The following LRP8 variants were observed in gnomAD, a reference collection of about 807,000 sequenced individuals.
The protein encoded by LRP8 is low-density lipoprotein receptor-related protein 8.
A neutral mutation model predicts 111.6 loss-of-function variants in LRP8; 46 were observed. The ratio of observed to expected loss-of-function variants is 0.41; its 90% CI spans 0.33 to 0.53. LRP8 has a LOEUF of 0.53. LRP8 is among the 20% of genes least tolerant of loss of function. The pLI, the probability that LRP8 is intolerant of heterozygous loss-of-function variation, is 0.20. For missense variants in LRP8, 959 were observed against 1,297.4 expected (o/e 0.74, Z 4.01); for synonymous variants, 464 against 511.2 (o/e 0.91, Z 1.24).
At chr1:53,295,357 G>C (rs977223616) in intron 2 of LRP8, among the ~76,000 whole-genome samples, 4 of 152,306 alleles carry the variant, frequency 2.6e-5, no homozygotes, top group Admixed American at 2.0e-4. Context: ...GGGACCTGGA[G>C]CTCCACCAGG....
At chr1:53,327,064 C>A in intron 1 of LRP8, 72 bp from the exon 2 acceptor site, 3 of 1,569,896 alleles carry the variant, frequency 1.9e-6, no homozygotes, top group Non-Finnish European at 2.6e-6. Context: ...TCCGGGCCAC[C>A]CGGAAGGACC....
chr1:53,256,200 C>G (rs1334005950), intron 15 of LRP8, among the ~76,000 whole-genome samples: 1 of 152,350 alleles, frequency 6.6e-6, no homozygotes, highest in South Asian at 2.1e-4. Flanking sequence ...ATGACTGTCC[C>G]GGCAATGGCC....
At chr1:53,325,769 A>T (rs746417540) in intron 2 of LRP8, among the ~76,000 whole-genome samples, 12 of 152,288 alleles carry the variant, frequency 7.9e-5, no homozygotes, top group Admixed American at 2.0e-4. Context: ...CTCCTCCCTC[A>T]GACCCCGTCA....
intron 2 of LRP8, among the ~76,000 whole-genome samples, chr1:53,313,553 CA>C (rs1366359429): frequency 6.6e-6 from 1 of 152,082 alleles, no homozygotes; most frequent in African/African-American, 2.4e-5. Flanking sequence ...TGAGAGAGCC[CA>C]GAGGAGACTC....
At chr1:53,302,212 G>A (rs1401117768) in intron 2 of LRP8, among the ~76,000 whole-genome samples, 1 of 152,198 alleles carries the variant, frequency 6.6e-6, no homozygotes, top group Middle Eastern at 3.2e-3. Context: ...AGAAGGAAAA[G>A]GTGGATTCTG....
At chr1:53,289,367 C>G (rs921592757) in intron 3 of LRP8, 200 bp downstream of exon 3, 19 of 616,742 alleles carry the variant, frequency 3.1e-5, no homozygotes, top group Non-Finnish European at 4.3e-5. Flanking sequence ...CAGGGTCCAA[C>G]CTACAAGAGG....
rs958310552 is a variant in LRP8, at chr1:53,323,695, C to T, written c.244+3178G>A. On this transcript the variant is annotated intron_variant, in intron 2 of 18. Coordinates refer to ENST00000306052, the MANE Select transcript of LRP8 (RefSeq NM_004631.5). ...CATCTGTGTCTCCAAAGAGCCAAGT[C>T]CCAGCCACTGTGGATGAGGCTCGGG... Among the ~76,000 whole-genome samples the T allele has an allele frequency of 3.3e-5, 5 of 152,238 alleles. No individual in the cohort carries two copies. The East Asian group carries it at 9.6e-4, about 29-fold the overall frequency.
At chr1:53,296,780 G>A (rs1377256673) in intron 2 of LRP8, among the ~76,000 whole-genome samples, 3 of 152,220 alleles carry the variant, frequency 2.0e-5, no homozygotes, top group African/African-American at 4.8e-5. Context: ...CACCCCACCC[G>A]GGGGCCCTGG....
chr1:53,306,869 C>T (rs903765453), intron 2 of LRP8, among the ~76,000 whole-genome samples: 18 of 152,230 alleles, frequency 1.2e-4, no homozygotes, highest in African/African-American at 4.1e-4. Context: ...CTCACCTCAT[C>T]TCCTGGTTTA....
chr1:53,264,193 G>A lies in LRP8; in HGVS notation c.1631C>T (p.Ala544Val). 1 of 1,614,170 alleles carries A rather than the reference G, an allele frequency of 6.2e-7. No individual in the cohort carries two copies. The highest frequency in any genetic ancestry group is 8.5e-7 in the Non-Finnish European group (1 of 1,180,038). ...CCCTCGCAGGGGGTCAACAGCGATG[G>A]CCCGGGGTTCACTGAGGTTACGGCT... is the stretch of plus-strand genomic sequence containing the variant. ...LFSRNLSEPR[A>V]IAVDPLRGFM... The change falls in exon 10 of 19, where the codon GCC (alanine) becomes GTC (valine). Residue 544 changes from alanine (A) to valine (V), a missense_variant. Around this residue, in one of 3 missense-constraint regions of LRP8, gnomAD observed 819 missense variants for 1,097.6 expected, o/e 0.75. Transcript: ENST00000306052.
At chr1:53,258,788 T>A (rs961842434) in intron 13 of LRP8, among the ~76,000 whole-genome samples, 1 of 152,104 alleles carries the variant, frequency 6.6e-6, no homozygotes, top group African/African-American at 2.4e-5. Context: ...TTCTCCATTT[T>A]TAGTCTCTAA....
At chr1:53,251,590 A>G (rs769893127) in intron 16 of LRP8, among the ~76,000 whole-genome samples, 2 of 150,438 alleles carry the variant, frequency 1.3e-5, no homozygotes, top group Non-Finnish European at 3.0e-5. Context: ...AGGCTGAATG[A>G]TCACCTATCT....
At chr1:53,265,276 T>G (rs927018247) in intron 9 of LRP8, among the ~76,000 whole-genome samples, 2 of 152,180 alleles carry the variant, frequency 1.3e-5, no homozygotes, top group African/African-American at 4.8e-5. Context: ...CATCAATAAC[T>G]AAGTCTCCAA....
At chr1:53,274,752 A>G (rs1304007899) in intron 6 of LRP8, 1 of 456,188 alleles carries the variant, frequency 2.2e-6, no homozygotes, top group African/African-American at 2.0e-5. Flanking sequence ...TGCACATCAC[A>G]CACTTTCCCG....
At chr1:53,288,349 T>TA (rs1277168556) in intron 3 of LRP8, 11 of 152,254 alleles carry the variant, frequency 7.2e-5, no homozygotes, top group African/African-American at 2.7e-4. Flanking sequence ...AGGGCTTTGT[T>TA]CCTTCTGAAG....
intron 2 of LRP8, chr1:53,306,313 AGAT>A (rs1175222752): frequency 1.3e-5 from 2 of 152,316 alleles, no homozygotes; most frequent in African/African-American, 4.8e-5. Context: ...GCCTTGCTTC[AGAT>A]CCTCCATTCA....
At position 53,245,715 on chromosome 1, in the gene LRP8, A is replaced by T. The variant is rs1572405342; in HGVS notation, c.*1303T>A. On this transcript the variant is annotated 3_prime_UTR_variant, in exon 19 of 19. Transcript: ENST00000306052. ...AAATTAGTTTCATCTATATGAACAT[A>T]TGATGGTAAGTAACCTATTTATTAC... 6.5e-6 allele frequency: 1 copy of T among 152,818 alleles called. No individual in the cohort carries two copies. Among genetic ancestry groups the T allele is most frequent in the East Asian group, 1.9e-4 (1 of 5,192 alleles). The allele number at this position is 152,818 out of a possible 1,614,324, so 9.5% of individuals were successfully genotyped here. A position where few individuals can be genotyped will look rare whatever the true frequency, so the allele number is the denominator to read the frequency against.
chr1:53,327,087 G>A lies in LRP8; in HGVS notation c.125-95C>T, dbSNP rs1655238800. The A allele has an allele frequency of 2.0e-6, 3 of 1,530,626 alleles. No individual in the cohort carries two copies. In the East Asian group the frequency reaches 7.0e-5, roughly 36 times the overall value. 94.8% of individuals were successfully genotyped at this position (1,530,626 alleles called of 1,614,324 possible). On this transcript the variant is annotated intron_variant, in intron 1 of 18. Coordinates refer to ENST00000306052, the MANE Select transcript of LRP8 (RefSeq NM_004631.5). ...ACCCGGAAGGACCCGCTGGGGAGGA[G>A]GAAAGGGGGCGATTATGGAGACCCC...
At chr1:53,273,125 G>A (rs1214015658) in intron 6 of LRP8, among the ~76,000 whole-genome samples, 2 of 152,174 alleles carry the variant, frequency 1.3e-5, no homozygotes, top group Middle Eastern at 3.2e-3. Flanking sequence ...AATGCCTGCA[G>A]GGAAGTCTTC....
Sources: gnomAD v4.1 joint callset for allele counts (sites outside exome capture counted in the v4.1 genomes callset) on GRCh38, gnomAD v4.1.1 for gene constraint, gnomAD v4.1.1 regional missense constraint, MANE v1.5 for transcripts, NCBI Gene and HGNC (gene_info 2026-07-23, HGNC 2026-07-21) for gene names.